The following THOC2 variants were observed in gnomAD, a reference collection of about 807,000 sequenced individuals.
THOC2 encodes THO complex subunit 2.
In THOC2, 10 loss-of-function variants were observed where a neutral mutation model predicts 128.4. That is an observed-to-expected ratio of 0.08 (90% CI 0.05 to 0.13). THOC2 has a LOEUF of 0.13. Ranked by LOEUF, THOC2 falls within the 10% of genes least tolerant of loss-of-function variation. THOC2 has a pLI of 1.00. For missense variants in THOC2, 535 were observed against 1,155.7 expected (o/e 0.46, Z 7.79); for synonymous variants, 393 against 396.9 (o/e 0.99, Z 0.12).
At chrX:123,722,969 C>T (rs969708807) in intron 1 of THOC2, among the ~76,000 whole-genome samples, 2 of 111,227 alleles carry the variant, frequency 1.8e-5, no homozygotes, top group African/African-American at 6.5e-5. Context: ...ATCGGAGGTC[C>T]GGAGTTCAAG....
chrX:123,706,166 C>A (rs1414833808), intron 3 of THOC2, among the ~76,000 whole-genome samples: 1 of 110,599 alleles, frequency 9.0e-6, no homozygotes, highest in Non-Finnish European at 1.9e-5. Context: ...ATTTTTTAAA[C>A]CATAAGTAAA....
At chrX:123,702,711 C>T (rs1276887672) in intron 4 of THOC2, among the ~76,000 whole-genome samples, 1 of 106,137 alleles carries the variant, frequency 9.4e-6, no homozygotes, top group Non-Finnish European at 1.9e-5. Context: ...TGCAGTGAGC[C>T]AAGATCACAC....
At chrX:123,691,203 C>A (rs977891412) in intron 7 of THOC2, among the ~76,000 whole-genome samples, 2 of 111,530 alleles carry the variant, frequency 1.8e-5, no homozygotes, top group Non-Finnish European at 3.8e-5. Context: ...CAGAGCCAGA[C>A]CCTGTCTCAA....
rs999623004 is a variant in THOC2, at chrX:123,617,278, C to A, written c.4311+2123G>T. On this transcript the variant is annotated intron_variant, in intron 33 of 38. Coordinates refer to ENST00000245838, the MANE Select transcript of THOC2 (RefSeq NM_001081550.2). ...AGGCACCATGCTAAGCACTAAAGAT[C>A]TGAAAAGTAGTAGGAGTCACACAGT... 4.5e-5 allele frequency among the ~76,000 whole-genome samples: 5 copies of A among 111,268 alleles called. No homozygotes were observed. In the Admixed American group the frequency reaches 4.8e-4, roughly 11 times the overall value.
At chrX:123,665,312 G>A (rs368925433) in intron 12 of THOC2, among the ~76,000 whole-genome samples, 378 of 111,582 alleles carry the variant, frequency 3.4e-3, no homozygotes, top group Middle Eastern at 0.032. Context: ...TATTCAGTAC[G>A]GGAACATTCT....
intron 38 of THOC2, among the ~76,000 whole-genome samples, chrX:123,609,655 T>C (rs2046622228): frequency 1.8e-5 from 2 of 111,794 alleles, no homozygotes; most frequent in Admixed American, 1.9e-4. Flanking sequence ...TTAATTAATA[T>C]ATTAACGAAG....
At chrX:123,629,199 A>C (rs2047380100) in intron 22 of THOC2, among the ~76,000 whole-genome samples, 1 of 80,768 alleles carries the variant, frequency 1.2e-5, no homozygotes, top group African/African-American at 4.9e-5. Flanking sequence ...CATATATATT[A>C]TACATGAACA....
chrX:123,605,975 C>A (rs1160778591), intron 38 of THOC2, among the ~76,000 whole-genome samples: 1 of 111,210 alleles, frequency 9.0e-6, no homozygotes, highest in Admixed American at 9.6e-5. Flanking sequence ...GGGGGCAGCA[C>A]CTAGACAAGT....
chrX:123,621,903 C>T (rs1298598051), intron 30 of THOC2, among the ~76,000 whole-genome samples: 4 of 109,263 alleles, frequency 3.7e-5, no homozygotes, highest in South Asian at 4.1e-4. Flanking sequence ...AACTTAGCTG[C>T]GCATGGTGGC....
At chrX:123,615,150 A>G (rs867553679) in intron 33 of THOC2, among the ~76,000 whole-genome samples, 2 of 111,871 alleles carry the variant, frequency 1.8e-5, no homozygotes, top group South Asian at 3.7e-4. Context: ...GCAGCAGAAT[A>G]CTGAATATAA....
chrX:123,711,290 C>A lies in THOC2; in HGVS notation c.130+1560G>T, dbSNP rs188289553. On this transcript the variant is annotated intron_variant, in intron 2 of 38. Transcript: ENST00000245838. ...CAAGTGATCCACCCACCTCAGCCTCCGAAAGTGCTAGGATTACAGGCGTGA... is the reference window on the plus strand; with the variant it reads ...CAAGTGATCCACCCACCTCAGCCTCAGAAAGTGCTAGGATTACAGGCGTGA... Among the ~76,000 whole-genome samples, 24 of 106,096 alleles carry A rather than the reference C, an allele frequency of 2.3e-4. 1 individual carries two copies. The highest frequency in any genetic ancestry group is 7.6e-4 in the African/African-American group (22 of 28,889). 92.1% of individuals were successfully genotyped at this position (106,096 alleles called of 115,157 possible).
At chrX:123,638,664 C>T (rs1281950845) in intron 17 of THOC2, among the ~76,000 whole-genome samples, 1 of 107,344 alleles carries the variant, frequency 9.3e-6, no homozygotes, top group Non-Finnish European at 1.9e-5. Flanking sequence ...GTCTCACACA[C>T]ACAAAAAAAA....
rs368279167 is a variant in THOC2 at position 123,665,810 on chromosome X, G to A, written c.1218C>T (p.Gly406=). The change falls in exon 12 of 39, where the codon GGC becomes GGT. Residue 406 remains glycine, a synonymous_variant. Transcript: ENST00000245838. ...RRVGVPKGAK[G]SPVNALQNKR... is the part of the protein sequence containing the mutation. The stretch of plus-strand genomic sequence containing the variant: ...TGTTTTGCAAAGCATTAACAGGTGA[G>A]CCTTTAGCACCTTTAGGAACTCCAA... The A allele has an allele frequency of 6.8e-6, 8 of 1,169,102 alleles. No homozygotes were observed. The African/African-American group carries it at 1.2e-4, about 18-fold the overall frequency.
chrX:123,731,673 C>A (rs761170809), intron 1 of THOC2, among the ~76,000 whole-genome samples: 41 of 111,121 alleles, frequency 3.7e-4, no homozygotes, highest in Non-Finnish European at 7.0e-4. Context: ...CACTCAGCTA[C>A]TTAAGTGGCT....
At position 123,610,007 on chromosome X, in the gene THOC2, C is replaced by T. The variant is rs770661742; in HGVS notation, c.*18+911G>A. 5.5e-5 allele frequency among the ~76,000 whole-genome samples: 6 copies of T among 109,064 alleles called. No homozygotes were observed. In the East Asian group the frequency reaches 8.6e-4, roughly 16 times the overall value. The allele number at this position is 109,064 out of a possible 115,157, so 94.7% of individuals were successfully genotyped here. A position where few individuals can be genotyped will look rare whatever the true frequency, so the allele number is the denominator to read the frequency against. The stretch of plus-strand genomic sequence containing the variant: ...TCGCGCCACTGCACTCCAGCCTGGG[C>T]GACAGAGTGAGACTCTGTCTCAAAA... On this transcript the variant is annotated intron_variant, in intron 38 of 38. Transcript: ENST00000245838.
At chrX:123,602,167 G>T (rs1408653186) in intron 38 of THOC2, 1 of 112,498 alleles carries the variant, frequency 8.9e-6, no homozygotes, top group East Asian at 2.8e-4. Context: ...GGCTAGAAGG[G>T]TCCTTAGAAA....
At chrX:123,721,248 CT>C (rs1267317830) in intron 1 of THOC2, among the ~76,000 whole-genome samples, 2 of 109,625 alleles carry the variant, frequency 1.8e-5, no homozygotes, top group East Asian at 5.9e-4. Flanking sequence ...TCTTGGCTCA[CT>C]GCAGCCTCCA....
At position 123,601,670 on chromosome X, in the gene THOC2, T is replaced by C. The variant is rs918232282; in HGVS notation, c.*19-332A>G. The C allele has an allele frequency of 8.2e-5, 9 of 109,960 alleles. No homozygotes were observed. The East Asian group carries it at 2.6e-3, about 31-fold the overall frequency. The allele number at this position is 109,960 out of a possible 1,213,427, so 9.1% of individuals were successfully genotyped here. On this transcript the variant is annotated intron_variant, in intron 38 of 38. Transcript: ENST00000245838. Reference sequence around the variant, plus strand: ...TCTTTTTGTCCATTCTTAGAATCCATTAAAGATAAACACACTAATGATGAC... The same window carrying C: ...TCTTTTTGTCCATTCTTAGAATCCACTAAAGATAAACACACTAATGATGAC...
intron 8 of THOC2, among the ~76,000 whole-genome samples, chrX:123,681,327 G>A (rs1474990959): frequency 9.6e-6 from 1 of 103,907 alleles, no homozygotes; most frequent in Non-Finnish European, 2.0e-5. Context: ...TTCCCAGGCT[G>A]CCAAAGTATC....
Sources: gnomAD v4.1 joint callset for allele counts (sites outside exome capture counted in the v4.1 genomes callset) on GRCh38, gnomAD v4.1.1 for gene constraint, MANE v1.5 for transcripts, NCBI Gene and HGNC (gene_info 2026-07-23, HGNC 2026-07-21) for gene names.